DPP10: variants seen among roughly 807,000 people sequenced by gnomAD.
DPP10 encodes inactive dipeptidyl peptidase 10.
In DPP10, 33 loss-of-function variants were observed where a neutral mutation model predicts 120.9. The observed-to-expected ratio is 0.27, with a 90% CI of 0.21 to 0.37. The LOEUF is 0.37. Ranked by LOEUF, DPP10 falls within the 10% of genes least tolerant of loss-of-function variation. DPP10 has a pLI of 1.00. For synonymous variants in DPP10, 337 were observed against 326.1 expected (o/e 1.03, Z -0.36); for missense variants, 816 against 942.8 (o/e 0.87, Z 1.76).
chr2:114,630,926 G>T (rs1219256379), intron 1 of DPP10, among the ~76,000 whole-genome samples: 3 of 152,084 alleles, frequency 2.0e-5, no homozygotes, highest in Non-Finnish European at 4.4e-5. Flanking sequence ...TGGAACATTT[G>T]ATATGTGTCT....
intron 3 of DPP10, among the ~76,000 whole-genome samples, chr2:115,353,866 A>AT (rs929909797): frequency 7.2e-5 from 11 of 152,010 alleles, no homozygotes; most frequent in African/African-American, 1.2e-4. Context: ...TTTCAAGTGA[A>AT]TTTTTTTTAT....
chr2:115,512,650 A>G (rs2077295307), intron 4 of DPP10, among the ~76,000 whole-genome samples: 1 of 151,704 alleles, frequency 6.6e-6, no homozygotes. Flanking sequence ...TTCTTGATTC[A>G]TTGGTTATTT....
At chr2:114,699,969 C>T (rs114059572) in intron 1 of DPP10, among the ~76,000 whole-genome samples, 1,658 of 152,122 alleles carry the variant, frequency 0.011, 15 homozygotes, top group Non-Finnish European at 0.018. Context: ...TACTGGCTAC[C>T]GTGAAAGGAG....
intron 1 of DPP10, among the ~76,000 whole-genome samples, chr2:114,840,889 TA>T (rs1688105755): frequency 6.6e-6 from 1 of 152,152 alleles, no homozygotes; most frequent in Non-Finnish European, 1.5e-5. Flanking sequence ...GATTTTTTCT[TA>T]TCCATCCCTG....
At chr2:115,728,772 C>T (rs1274165045) in intron 8 of DPP10, among the ~76,000 whole-genome samples, 1 of 152,102 alleles carries the variant, frequency 6.6e-6, no homozygotes, top group Non-Finnish European at 1.5e-5. Context: ...TTCATTCATT[C>T]ACTCTTTCAC....
chr2:115,258,150 T>C (rs1036102468), intron 1 of DPP10, among the ~76,000 whole-genome samples: 3 of 152,236 alleles, frequency 2.0e-5, no homozygotes, highest in African/African-American at 4.8e-5. Context: ...AAATTTGTTA[T>C]TGTCATGGTA....
At chr2:115,334,152 A>T (rs967229735) in intron 2 of DPP10, among the ~76,000 whole-genome samples, 4 of 150,030 alleles carry the variant, frequency 2.7e-5, no homozygotes, top group Admixed American at 2.0e-4. Flanking sequence ...AATGCCACAC[A>T]GATACTCCTC....
At chr2:115,286,817 T>C (rs774613918) in intron 1 of DPP10, among the ~76,000 whole-genome samples, 1 of 151,828 alleles carries the variant, frequency 6.6e-6, no homozygotes, top group Admixed American at 6.6e-5. Flanking sequence ...CTAATTTAGA[T>C]GTGCTTTTGA....
At chr2:115,759,007 A>G (rs1274596481) in intron 11 of DPP10, among the ~76,000 whole-genome samples, 1 of 152,174 alleles carries the variant, frequency 6.6e-6, no homozygotes, top group Non-Finnish European at 1.5e-5. Context: ...AAACCTTACT[A>G]TACTGAATAA....
intron 21 of DPP10, among the ~76,000 whole-genome samples, 177 bp from the exon 22 acceptor site, chr2:115,835,980 G>A (rs1689444929): frequency 1.3e-5 from 2 of 151,944 alleles, no homozygotes; most frequent in Non-Finnish European, 2.9e-5. Context: ...TGTACAAAAT[G>A]ATTTTGGCTT....
chr2:115,697,219 G>C (rs994769569), intron 7 of DPP10, among the ~76,000 whole-genome samples: 9 of 151,968 alleles, frequency 5.9e-5, no homozygotes, highest in Admixed American at 1.3e-4. Context: ...ACAAAAGTAA[G>C]TTATTCCTTA....
At chr2:115,793,216 G>A (rs1016990164) in intron 19 of DPP10, among the ~76,000 whole-genome samples, 1 of 152,034 alleles carries the variant, frequency 6.6e-6, no homozygotes, top group Non-Finnish European at 1.5e-5. Flanking sequence ...TGCTGGTTTT[G>A]GAGTCAGGTA....
intron 1 of DPP10, among the ~76,000 whole-genome samples, chr2:114,539,889 C>T (rs1686818201): frequency 6.6e-6 from 1 of 152,086 alleles, no homozygotes; most frequent in Non-Finnish European, 1.5e-5. Context: ...GAACAGCAAC[C>T]ATTTATATTC....
intron 1 of DPP10, among the ~76,000 whole-genome samples, chr2:115,261,247 G>T (rs7577833): frequency 0.45 from 67,671 of 151,998 alleles, 16,016 homozygotes; most frequent in Non-Finnish European, 0.54. Flanking sequence ...CCGGTTGAAA[G>T]TGGTAGATTT....
rs13405134 is a variant in DPP10, at chr2:114,942,879, C to T, written c.61-366360C>T. ...AGAGTGAAATAATTATTGTCTTTCA[C>T]TCTTTGTAAAAATGAACTGTTTTTC... On this transcript the variant is annotated intron_variant, in intron 1 of 25. Coordinates refer to ENST00000410059, the MANE Select transcript of DPP10 (RefSeq NM_020868.6). Among the ~76,000 whole-genome samples the T allele has an allele frequency of 7.3e-3, 1,116 of 152,178 alleles. 15 individuals carry two copies. Among genetic ancestry groups the T allele is most frequent in the African/African-American group, 0.025 (1,047 of 41,512 alleles).
intron 3 of DPP10, among the ~76,000 whole-genome samples, chr2:115,377,910 A>T (rs1421997838): frequency 6.6e-6 from 1 of 152,018 alleles, no homozygotes; most frequent in Non-Finnish European, 1.5e-5. Flanking sequence ...CCATTGGTCT[A>T]TATCTCTGTT....
At chr2:115,808,840 A>G (rs7559438) in intron 19 of DPP10, among the ~76,000 whole-genome samples, 1,969 of 152,336 alleles carry the variant, frequency 0.013, 46 homozygotes, top group African/African-American at 0.043. Context: ...AGAATTTTTT[A>G]TACATTATCA....
rs116519172 is a variant in DPP10, at chr2:114,946,117, A to G, written c.61-363122A>G. On this transcript the variant is annotated intron_variant, in intron 1 of 25. Coordinates refer to ENST00000410059, the MANE Select transcript of DPP10 (RefSeq NM_020868.6). ...AACTAAATGTAATGTTGAACACTGA[A>G]TGGATCTTGGTACAGAAGAAAGAAC... Among the ~76,000 whole-genome samples the G allele has an allele frequency of 6.3e-3, 952 of 152,316 alleles. 9 individuals are homozygous for G. Among genetic ancestry groups the G allele is most frequent in the African/African-American group, 0.021 (890 of 41,578 alleles).
chr2:115,561,293 AG>A (rs1007408274), intron 5 of DPP10, among the ~76,000 whole-genome samples: 44 of 125,060 alleles, frequency 3.5e-4, no homozygotes, highest in Admixed American at 3.3e-3. Context: ...CAGGAGGTGG[AG>A]GTGGCAGTGA....
Sources: gnomAD v4.1 joint callset for allele counts (sites outside exome capture counted in the v4.1 genomes callset) on GRCh38, gnomAD v4.1.1 for gene constraint, MANE v1.5 for transcripts, NCBI Gene and HGNC (gene_info 2026-07-23, HGNC 2026-07-21) for gene names.